The following VEPH1 variants were observed in gnomAD, a reference collection of about 807,000 sequenced individuals.
The protein encoded by VEPH1 is ventricular zone expressed PH domain containing 1, also known as ventricular zone-expressed PH domain-containing protein homolog 1.
A neutral mutation model predicts 85.2 loss-of-function variants in VEPH1; 80 were observed. That is an observed-to-expected ratio of 0.94 (90% CI 0.78 to 1.13). The LOEUF is 1.13. Ranked by LOEUF, VEPH1 falls within the 50% of genes most tolerant of loss-of-function variation. VEPH1 has a pLI of 0.00. For synonymous variants in VEPH1, 297 were observed against 348.0 expected, an observed-to-expected ratio of 0.85 and a Z score of 1.63; for missense variants, 955 against 980.5, an observed-to-expected ratio of 0.97 and a Z score of 0.35.
intron 2 of VEPH1, among the ~76,000 whole-genome samples, chr3:157,488,668 A>G (rs1738903792): frequency 1.3e-5 from 2 of 151,958 alleles, no homozygotes; most frequent in African/African-American, 2.4e-5. Context: ...GACAAGTTCC[A>G]AAATTATAAT....
At chr3:157,262,258 T>A (rs1713010654) in intron 13 of VEPH1, among the ~76,000 whole-genome samples, 1 of 152,152 alleles carries the variant, frequency 6.6e-6, no homozygotes, top group Non-Finnish European at 1.5e-5. Context: ...GCCAAGGCAA[T>A]GTAATCACTC....
chr3:157,311,836 G>A (rs140664744), intron 11 of VEPH1, among the ~76,000 whole-genome samples: 61 of 152,238 alleles, frequency 4.0e-4, no homozygotes, highest in African/African-American at 1.5e-3. Context: ...TGATGCAACA[G>A]TTGAAAATTT....
At position 157,363,478 on chromosome 3, in the gene VEPH1, T is replaced by C. The variant is rs758321163; in HGVS notation, c.1621A>G (p.Ile541Val). ...AAGTAGAGCTTATCTTGGTATTCTA[T>C]AGGACTTGCAGTTGTCTCTGGAGTT... Reference protein sequence around the residue: ...EETPETTASPIEYQDKLYLHL... With the variant: ...EETPETTASPVEYQDKLYLHL... Residue 541 changes from isoleucine (I) to valine (V), a missense_variant, in exon 9 of 14, where the codon ATA (isoleucine) becomes GTA (valine). Transcript: ENST00000362010. 3 of 1,614,034 alleles carry C rather than the reference T, an allele frequency of 1.9e-6. No individual in the cohort carries two copies. Among genetic ancestry groups the C allele is most frequent in the Admixed American group, 1.7e-5 (1 of 59,998 alleles).
At chr3:157,498,289 T>C (rs1020940781) in intron 1 of VEPH1, among the ~76,000 whole-genome samples, 3 of 152,218 alleles carry the variant, frequency 2.0e-5, no homozygotes, top group African/African-American at 4.8e-5. Flanking sequence ...GGTTTTCTTA[T>C]TTGCAAAATG....
intron 5 of VEPH1, among the ~76,000 whole-genome samples, chr3:157,416,534 C>T (rs1731925538): frequency 6.6e-6 from 1 of 152,116 alleles, no homozygotes; most frequent in African/African-American, 2.4e-5. Context: ...CATACTTAAC[C>T]TCATGTTTTT....
chr3:157,289,839 C>T (rs1024424560), intron 11 of VEPH1, among the ~76,000 whole-genome samples: 3 of 152,188 alleles, frequency 2.0e-5, no homozygotes. Context: ...AACTGTAAGT[C>T]ACTGTCTGAG....
chr3:157,370,762 T>C (rs1727394767), intron 7 of VEPH1, among the ~76,000 whole-genome samples: 1 of 152,166 alleles, frequency 6.6e-6, no homozygotes, highest in Non-Finnish European at 1.5e-5. Context: ...AACTCCATGG[T>C]TTACTTCATT....
chr3:157,481,466 A>ACCCACAC (rs60332684), intron 2 of VEPH1, among the ~76,000 whole-genome samples: 1 of 48,236 alleles, frequency 2.1e-5, no homozygotes, highest in Non-Finnish European at 3.5e-5. Flanking sequence ...ACACACACAC[A>ACCCACAC]AAAAAAAAAA....
chr3:157,290,722 T>C (rs879474859), intron 11 of VEPH1, among the ~76,000 whole-genome samples: 3 of 152,200 alleles, frequency 2.0e-5, no homozygotes, highest in Non-Finnish European at 4.4e-5. Flanking sequence ...GTTTTCCTGA[T>C]AAACATCATT....
intron 7 of VEPH1, among the ~76,000 whole-genome samples, chr3:157,368,641 G>A (rs1179489218): frequency 2.0e-5 from 3 of 151,880 alleles, no homozygotes; most frequent in Non-Finnish European, 4.4e-5. Flanking sequence ...ACAGGTGCCC[G>A]CCACCATGCC....
intron 4 of VEPH1, among the ~76,000 whole-genome samples, chr3:157,441,335 A>G (rs1734099498): frequency 6.6e-6 from 1 of 152,388 alleles, no homozygotes; most frequent in Admixed American, 6.5e-5. Flanking sequence ...AATGTAAAAG[A>G]CTATCTCTTA....
intron 2 of VEPH1, among the ~76,000 whole-genome samples, chr3:157,489,850 G>T (rs1739059860): frequency 6.6e-6 from 1 of 151,882 alleles, no homozygotes; most frequent in Non-Finnish European, 1.5e-5. Flanking sequence ...TAGTAAGAGA[G>T]TTGAGTGAGT....
chr3:157,343,340 G>A (rs1339953840), intron 9 of VEPH1, among the ~76,000 whole-genome samples: 1 of 151,966 alleles, frequency 6.6e-6, no homozygotes, highest in East Asian at 1.9e-4. Context: ...AATGATAAAG[G>A]GGATATCATC....
In VEPH1 at chr3:157,261,279, C is replaced by G; in HGVS notation, c.2357G>C (p.Arg786Pro). 1 of 1,613,588 alleles carries G rather than the reference C, an allele frequency of 6.2e-7. No individual in the cohort carries two copies. The highest frequency in any genetic ancestry group is 8.5e-7 in the Non-Finnish European group (1 of 1,179,748). Residue 786 changes from arginine to proline, a missense_variant, in exon 14 of 14, where the codon CGG becomes CCG. Transcript: ENST00000362010. ...ATTGTCTGTGAAGATTTCGAAAGCCCGGGGGAGAGAGCGGTCCCTGCGTTT... is the reference window on the plus strand; with the variant it reads ...ATTGTCTGTGAAGATTTCGAAAGCCGGGGGGAGAGAGCGGTCCCTGCGTTT... ...AKKRRDRSLP[R>P]AFEIFTDNKT...
intron 11 of VEPH1, among the ~76,000 whole-genome samples, chr3:157,297,867 G>A (rs913772817): frequency 6.6e-6 from 1 of 152,168 alleles, no homozygotes; most frequent in Non-Finnish European, 1.5e-5. Context: ...AAATAACAAG[G>A]TGGGCCAATG....
At chr3:157,284,261 A>G (rs573903810) in intron 12 of VEPH1, among the ~76,000 whole-genome samples, 9 of 152,334 alleles carry the variant, frequency 5.9e-5, no homozygotes, top group South Asian at 2.1e-4. Context: ...CTAAAAACAT[A>G]AAAGAAGTAT....
At chr3:157,376,964 C>T (rs756250705) in intron 7 of VEPH1, among the ~76,000 whole-genome samples, 20 of 152,126 alleles carry the variant, frequency 1.3e-4, no homozygotes, top group Non-Finnish European at 2.6e-4. Context: ...AAAGTGCAGA[C>T]CTTTCTGCTT....
In VEPH1 at chr3:157,437,912, C is replaced by A; in HGVS notation, c.530-9424G>T. On this transcript the variant is annotated intron_variant, in intron 4 of 13. Coordinates refer to ENST00000362010, the MANE Select transcript of VEPH1 (RefSeq NM_001167912.2). ...TGGGCTGCCCGGAGCTGGCTGCCGG[C>A]AGGTAAGGAGGCAAGCGGGGCCGGG... 2 of 1,525,916 alleles carry A rather than the reference C, an allele frequency of 1.3e-6. No homozygotes were observed. Among genetic ancestry groups the A allele is most frequent in the Middle Eastern group, 2.3e-4 (1 of 4,322 alleles). The allele number at this position is 1,525,916 out of a possible 1,614,324, so 94.5% of individuals were successfully genotyped here.
intron 6 of VEPH1, among the ~76,000 whole-genome samples, chr3:157,386,780 T>C (rs1259437748): frequency 6.6e-6 from 1 of 152,198 alleles, no homozygotes; most frequent in African/African-American, 2.4e-5. Flanking sequence ...ACGAGTACAG[T>C]GTGGTGCCAC....
Sources: gnomAD v4.1 joint callset for allele counts (sites outside exome capture counted in the v4.1 genomes callset) on GRCh38, gnomAD v4.1.1 for gene constraint, MANE v1.5 for transcripts, NCBI Gene and HGNC (gene_info 2026-07-23, HGNC 2026-07-21) for gene names.